The following NXF1 variants were observed in gnomAD, a reference collection of about 807,000 sequenced individuals.
NXF1 encodes nuclear RNA export factor 1.
Under a neutral mutation model 92.4 loss-of-function variants are expected in NXF1, and 43 were observed. The ratio of observed to expected loss-of-function variants is 0.47; its 90% CI spans 0.36 to 0.60. The LOEUF is 0.60. Ranked by LOEUF, NXF1 falls within the 20% of genes least tolerant of loss-of-function variation. The pLI, the probability that NXF1 is intolerant of heterozygous loss-of-function variation, is 0.00. For missense variants in NXF1, 576 were observed against 793.0 expected, an observed-to-expected ratio of 0.73 and a Z score of 3.29; for synonymous variants, 288 against 292.2, an observed-to-expected ratio of 0.99 and a Z score of 0.15.
At chr11:62,803,687 G>A in intron 2 of NXF1, 105 bp downstream of exon 2, 12 of 1,536,504 alleles carry the variant, frequency 7.8e-6, no homozygotes, top group African/African-American at 1.4e-5. Flanking sequence ...AGCTAGTCCT[G>A]GCATTTCTCA....
rs1462382487 is a variant in NXF1, at chr11:62,802,083, A to G, written c.454-37T>C. On this transcript the variant is annotated intron_variant, in intron 4 of 20. Transcript: ENST00000294172. ...AACAGGAGCATTACACTGGGAGTCC[A>G]GAGCCCTTGGGGAGGGGCATTACGC... The G allele has an allele frequency of 2.5e-6, 4 of 1,610,366 alleles. No individual in the cohort carries two copies. The African/African-American group carries it at 5.3e-5, about 22-fold the overall frequency.
chr11:62,794,887 T>C (rs1186580086), intron 18 of NXF1, 48 bp downstream of exon 18: 1 of 1,545,356 alleles, frequency 6.5e-7, no homozygotes, highest in Non-Finnish European at 8.9e-7. Context: ...ACCACACTGT[T>C]GGCCATGGAT....
At chr11:62,800,254 A>C in intron 10 of NXF1, 123 bp downstream of exon 10, 1 of 1,518,386 alleles carries the variant, frequency 6.6e-7, no homozygotes, top group Non-Finnish European at 8.9e-7. Context: ...CGATCCTCTC[A>C]AAGGACAGGT....
intron 19 of NXF1, among the ~76,000 whole-genome samples, chr11:62,793,489 C>T (rs1769768748): frequency 6.6e-6 from 1 of 152,034 alleles, no homozygotes; most frequent in South Asian, 2.1e-4. Context: ...AGGTGGGCAA[C>T]ATGGTGAAAC....
Position 62,792,636 on chromosome 11 carries a change from C to A in NXF1, c.1821+5G>T, listed in dbSNP as rs756109157. On this transcript the variant is annotated splice_donor_5th_base_variant and intron_variant, in intron 20 of 20. Coordinates refer to ENST00000294172, the MANE Select transcript of NXF1 (RefSeq NM_006362.5). ...TCTTTTTGCCACTGTATTTCCAGAC[C>A]TTACCTTGAGATGAGTGAAGGCCTG... The A allele has an allele frequency of 1.2e-6, 2 of 1,614,206 alleles. No individual in the cohort carries two copies. Among genetic ancestry groups the A allele is most frequent in the South Asian group, 2.2e-5 (2 of 91,088 alleles).
intron 2 of NXF1, 48 bp downstream of exon 2, chr11:62,803,744 A>G: frequency 6.3e-7 from 1 of 1,587,748 alleles, no homozygotes; most frequent in Non-Finnish European, 8.6e-7. Context: ...AAAGGGCCAT[A>G]TAATCTCATG....
intron 14 of NXF1, 56 bp from the exon 15 acceptor site, chr11:62,796,401 G>A: frequency 1.2e-6 from 2 of 1,610,040 alleles, no homozygotes. Flanking sequence ...CAGCAGGTGT[G>A]CCCTGTATCT....
Position 62,801,626 on chromosome 11 carries a change from G to T in NXF1, c.645C>A (p.Ile215=), listed in dbSNP as rs140528299. ...KPEQVEQLKL[I]MSKRYDGSQQ... is the part of the protein sequence containing the mutation. Reference sequence around the variant, plus strand: ...GGGAGCCATCGTATCGTTTGCTCATGATCAGCTAGAGGAAAAAGAAGGGTT... The same window carrying T: ...GGGAGCCATCGTATCGTTTGCTCATTATCAGCTAGAGGAAAAAGAAGGGTT... Residue 215 remains isoleucine (I), a synonymous_variant, in exon 7 of 21, where the codon ATC becomes ATA. Transcript: ENST00000294172. 6.2e-7 allele frequency: 1 copy of T among 1,612,204 alleles called. No homozygotes were observed. Among genetic ancestry groups the T allele is most frequent in the Non-Finnish European group, 8.5e-7 (1 of 1,179,808 alleles).
rs1196928767 is a variant in NXF1 at position 62,797,306 on chromosome 11, C to T, written c.1122+12G>A. ...TCCACACACAAGTTCTTACTCTGTC[C>T]ATGCTTCCTACCTTGCAGGGCGGTA... is the stretch of plus-strand genomic sequence containing the variant. On this transcript the variant is annotated intron_variant, in intron 12 of 20. Coordinates refer to ENST00000294172, the MANE Select transcript of NXF1 (RefSeq NM_006362.5). 1 of 1,614,038 alleles carries T rather than the reference C, an allele frequency of 6.2e-7. No individual in the cohort carries two copies. Among genetic ancestry groups the T allele is most frequent in the Non-Finnish European group, 8.5e-7 (1 of 1,180,030 alleles).
rs751795206 is a variant in NXF1 at position 62,794,396 on chromosome 11, G to C, written c.1622C>G (p.Ser541Cys). The change falls in exon 19 of 21, where the codon TCT becomes TGT. Residue 541 changes from serine (S) to cysteine (C), a missense_variant. Physicochemically the swap from Ser to Cys is moderately radical, Grantham distance 112. Around this residue, in one of 2 missense-constraint regions of NXF1, gnomAD observed 425 missense variants for 635.2 expected, o/e 0.67. Transcript: ENST00000294172. ...AGCGAAGGCTCTTTGGATCTCTTCA[G>C]AACTGGCATTCCGCACAAATAGCTC... ...NDELFVRNAS[S>C]EEIQRAFAMP... is the part of the protein sequence containing the mutation. The C allele has an allele frequency of 6.2e-7, 1 of 1,614,148 alleles. No homozygotes were observed. The highest frequency in any genetic ancestry group is 1.7e-5 in the Admixed American group (1 of 60,002).
rs372102791 is a variant in NXF1 at position 62,794,313 on chromosome 11, C to T, written c.1705G>A (p.Glu569Lys). 2 of 1,614,052 alleles carry T rather than the reference C, an allele frequency of 1.2e-6. No individual in the cohort carries two copies. Among genetic ancestry groups the T allele is most frequent in the Non-Finnish European group, 1.7e-6 (2 of 1,180,016 alleles). ...PVPTLSPEQQ[E>K]MLQAFSTQSG... ...TGGGTAGAGAATGCTTGCAACATTT[C>T]CTGCTGCTCTGGAGAGAGGGTGGGC... The change falls in exon 19 of 21, where the codon GAA becomes AAA. Residue 569 changes from glutamate (E) to lysine (K), a missense_variant. Glu to Lys is a moderately conservative substitution (Grantham distance 56). Around this residue, in one of 2 missense-constraint regions of NXF1, gnomAD observed 425 missense variants for 635.2 expected, o/e 0.67. Coordinates refer to ENST00000294172, the MANE Select transcript of NXF1 (RefSeq NM_006362.5).
chr11:62,801,409 C>T lies in NXF1; in HGVS notation c.718G>A (p.Ala240Thr), dbSNP rs780728532. ...KGLRSDPDLVAQNIDVVLNRR... is the reference protein window; with the variant it reads ...KGLRSDPDLVTQNIDVVLNRR... ...TTCAGGACAACGTCAATGTTCTGGG[C>T]CACCAAATCTTCAGGAAGCAGAAGG... The change falls in exon 8 of 21, where the codon GCC becomes ACC. Residue 240 changes from alanine (A) to threonine (T), a missense_variant. Transcript: ENST00000294172. 1.2e-6 allele frequency: 2 copies of T among 1,614,008 alleles called. No individual in the cohort carries two copies. The highest frequency in any genetic ancestry group is 1.1e-5 in the South Asian group (1 of 91,076).
chr11:62,793,469 T>G (rs1039349257), intron 19 of NXF1, among the ~76,000 whole-genome samples: 1 of 152,176 alleles, frequency 6.6e-6, no homozygotes, highest in East Asian at 1.9e-4. Context: ...CGCAGCACTT[T>G]GGGAGGCCTA....
At position 62,800,615 on chromosome 11, in the gene NXF1, T is replaced by C. The variant is rs2084468852; in HGVS notation, c.907-129A>G. 6.4e-6 allele frequency: 4 copies of C among 629,046 alleles called. No homozygotes were observed. In the East Asian group the frequency reaches 1.1e-4, roughly 18 times the overall value. 39.0% of individuals were successfully genotyped at this position (629,046 alleles called of 1,614,324 possible). On this transcript the variant is annotated intron_variant, in intron 9 of 20. Coordinates refer to ENST00000294172, the MANE Select transcript of NXF1 (RefSeq NM_006362.5). ...CTTTTAAAATTTTTTCTTTTTTTTT[T>C]TTTTTTGGGACAGGGTCTCACTCTG... is the stretch of plus-strand genomic sequence containing the variant.
intron 1 of NXF1, 158 bp from the exon 2 acceptor site, chr11:62,804,136 CCT>C (rs1565202590): frequency 1.3e-6 from 2 of 1,547,912 alleles, no homozygotes; most frequent in African/African-American, 2.7e-5. Flanking sequence ...AGGAAAGAAC[CCT>C]CTCTGTGGGA....
chr11:62,802,320 A>C, intron 3 of NXF1, 60 bp from the exon 4 acceptor site: 2 of 1,394,700 alleles, frequency 1.4e-6, no homozygotes, highest in Non-Finnish European at 2.0e-6. Context: ...AGCAGACCCA[A>C]TACAATGCCT....
At chr11:62,800,604 T>C in intron 9 of NXF1, 118 bp from the exon 10 acceptor site, 1 of 637,634 alleles carries the variant, frequency 1.6e-6, no homozygotes, top group African/African-American at 1.9e-5. Flanking sequence ...TAAAATTTTT[T>C]CTTTTTTTTT....
At chr11:62,794,732 T>C in intron 18 of NXF1, 1 of 600,174 alleles carries the variant, frequency 1.7e-6, no homozygotes. Flanking sequence ...GCCTACTTGC[T>C]AGAAGTGGTG....
At chr11:62,803,240 C>T (rs774461949) in intron 3 of NXF1, among the ~76,000 whole-genome samples, 179 bp downstream of exon 3, 6 of 152,024 alleles carry the variant, frequency 3.9e-5, no homozygotes, top group Non-Finnish European at 5.9e-5. Flanking sequence ...AGCTTGAACC[C>T]GGGAGGCGGA....
Sources: gnomAD v4.1 joint callset for allele counts (sites outside exome capture counted in the v4.1 genomes callset) on GRCh38, gnomAD v4.1.1 for gene constraint, gnomAD v4.1.1 regional missense constraint, MANE v1.5 for transcripts, NCBI Gene and HGNC (gene_info 2026-07-23, HGNC 2026-07-21) for gene names.